YTHDF3: variants seen among roughly 807,000 people sequenced by gnomAD.
The protein encoded by YTHDF3 is YTH N6-methyladenosine RNA binding protein F3.
In YTHDF3, 9 loss-of-function variants were observed where a neutral mutation model predicts 52.5. The observed-to-expected ratio is 0.17, with a 90% CI of 0.10 to 0.30. The LOEUF (loss-of-function observed/expected upper bound fraction) is 0.30. Among genes scored for constraint, YTHDF3 ranks in the 10% least tolerant of loss-of-function variants. The pLI is 1.00. For synonymous variants in YTHDF3, 274 were observed against 243.3 expected (o/e 1.13, Z -1.18); for missense variants, 534 against 715.0 (o/e 0.75, Z 2.89).
At chr8:63,169,571 C>T (rs11785601) in intron 2 of YTHDF3, 160 bp downstream of exon 2, 127,610 of 742,898 alleles carry the variant, frequency 0.17, 12,188 homozygotes, top group South Asian at 0.26. Flanking sequence ...CTATCCAGAA[C>T]TTCGGTAGTT....
intron 2 of YTHDF3, among the ~76,000 whole-genome samples, chr8:63,173,243 C>CT (rs1188215413): frequency 0.013 from 1,497 of 115,832 alleles, 16 homozygotes; most frequent in Middle Eastern, 0.021. Flanking sequence ...GTACTTTTTC[C>CT]TTTTTTTTTT....
At chr8:63,191,887 T>A (rs1808935679) in intron 4 of YTHDF3, among the ~76,000 whole-genome samples, 1 of 152,194 alleles carries the variant, frequency 6.6e-6, no homozygotes, top group Non-Finnish European at 1.5e-5. Flanking sequence ...ATGACCATTG[T>A]GTCTATTCCA....
At chr8:63,209,024 C>T (rs1007533866) in intron 4 of YTHDF3, among the ~76,000 whole-genome samples, 13 of 152,112 alleles carry the variant, frequency 8.5e-5, no homozygotes, top group African/African-American at 3.1e-4. Context: ...CCCGCCACCA[C>T]GCCCAGCTAA....
At chr8:63,201,080 G>C (rs1394688757) in intron 4 of YTHDF3, among the ~76,000 whole-genome samples, 1 of 152,212 alleles carries the variant, frequency 6.6e-6, no homozygotes, top group Non-Finnish European at 1.5e-5. Context: ...GCTAAAGTCT[G>C]ATAGTATTGA....
chr8:63,169,279 T>A, intron 1 of YTHDF3, 108 bp from the exon 2 acceptor site: 1 of 1,446,130 alleles, frequency 6.9e-7, no homozygotes. Flanking sequence ...TTTTTACTCC[T>A]ACGCGGATAG....
intron 4 of YTHDF3, among the ~76,000 whole-genome samples, chr8:63,202,751 C>T (rs1809723079): frequency 1.3e-5 from 2 of 152,100 alleles, no homozygotes. Context: ...GCATGAGCCA[C>T]CGCACCTGGC....
At chr8:63,195,250 G>A (rs1297502398) in intron 4 of YTHDF3, among the ~76,000 whole-genome samples, 3 of 152,184 alleles carry the variant, frequency 2.0e-5, no homozygotes, top group African/African-American at 7.2e-5. Flanking sequence ...GTAAAATCAA[G>A]CTTGATGAAT....
At chr8:63,170,045 T>A (rs1045864651) in intron 2 of YTHDF3, among the ~76,000 whole-genome samples, 4 of 152,216 alleles carry the variant, frequency 2.6e-5, no homozygotes, top group African/African-American at 9.6e-5. Context: ...AAAGTACCAT[T>A]GAAAGTAAAG....
intron 4 of YTHDF3, among the ~76,000 whole-genome samples, chr8:63,202,866 A>C (rs953315303): frequency 6.6e-6 from 1 of 152,126 alleles, no homozygotes; most frequent in Non-Finnish European, 1.5e-5. Context: ...AATCTATTAG[A>C]TGTTTTAATT....
chr8:63,205,037 AAGAC>A (rs1452135049), intron 4 of YTHDF3, among the ~76,000 whole-genome samples: 1 of 152,132 alleles, frequency 6.6e-6, no homozygotes, highest in African/African-American at 2.4e-5. Flanking sequence ...CTCTGTGAAA[AAGAC>A]AGGAGTTGGC....
intron 3 of YTHDF3, among the ~76,000 whole-genome samples, chr8:63,183,707 G>A (rs1203068255): frequency 6.6e-6 from 1 of 152,162 alleles, no homozygotes; most frequent in African/African-American, 2.4e-5. Flanking sequence ...AATGTGTTCA[G>A]TTAGTAAATA....
chr8:63,190,838 C>G (rs2150379753), intron 4 of YTHDF3, among the ~76,000 whole-genome samples: 1 of 152,202 alleles, frequency 6.6e-6, no homozygotes, highest in African/African-American at 2.4e-5. Flanking sequence ...CTCAGTTAAT[C>G]TCCTTTAAAT....
chr8:63,192,778 T>C (rs1412958950), intron 4 of YTHDF3, among the ~76,000 whole-genome samples: 2 of 152,146 alleles, frequency 1.3e-5, no homozygotes, highest in Middle Eastern at 3.4e-3. Flanking sequence ...AAGAACAAAT[T>C]AGTGGTATTT....
At chr8:63,181,036 A>T (rs1426972107) in intron 3 of YTHDF3, among the ~76,000 whole-genome samples, 1 of 152,222 alleles carries the variant, frequency 6.6e-6, no homozygotes, top group Non-Finnish European at 1.5e-5. Context: ...TAATTTTATG[A>T]CTAAATAGAT....
At chr8:63,194,113 A>G (rs967154820) in intron 4 of YTHDF3, among the ~76,000 whole-genome samples, 4 of 152,194 alleles carry the variant, frequency 2.6e-5, no homozygotes, top group East Asian at 1.9e-4. Context: ...CTGAGACAGT[A>G]TAACAGAATA....
chr8:63,180,601 A>T (rs1418394792), intron 3 of YTHDF3, among the ~76,000 whole-genome samples: 1 of 152,174 alleles, frequency 6.6e-6, no homozygotes, highest in South Asian at 2.1e-4. Flanking sequence ...CAATCTCGGC[A>T]CTTTGGGAGG....
At position 63,169,398 on chromosome 8, in the gene YTHDF3, G is replaced by T. The variant is rs1404819448; in HGVS notation, c.36G>T (p.Gly12=). 4 of 1,601,408 alleles carry T rather than the reference G, an allele frequency of 2.5e-6. 1 individual carries two copies. In the South Asian group the frequency reaches 4.5e-5, roughly 18 times the overall value. The change falls in exon 2 of 5, where the codon GGG becomes GGT. Residue 12 remains glycine, a synonymous_variant. Transcript: ENST00000539294. ...SATSVDQRPK[G]QGNKVSVQNG... is the part of the protein sequence containing the mutation. ...GTCTTGCAACACAGAGACCTAAAGG[G>T]CAAGGAAATAAAGGTGAGTTTGGAT...
intron 3 of YTHDF3, among the ~76,000 whole-genome samples, chr8:63,177,739 C>A (rs1052758013): frequency 1.3e-5 from 2 of 151,550 alleles, no homozygotes; most frequent in Non-Finnish European, 1.5e-5. Flanking sequence ...TATAAAAAAT[C>A]CTGACTTGTT....
In YTHDF3 at chr8:63,212,239, A is replaced by G. The variant is rs1810405284; in HGVS notation, c.*2533A>G. The G allele has an allele frequency of 6.6e-6, 1 of 152,644 alleles. No homozygotes were observed. The highest frequency in any genetic ancestry group is 2.4e-5 in the African/African-American group (1 of 41,458). 9.5% of individuals were successfully genotyped at this position (152,644 alleles called of 1,614,324 possible). A position where few individuals can be genotyped will look rare whatever the true frequency, so the allele number is the denominator to read the frequency against. ...ATTATAGTTTGTATATTTAACAGTA[A>G]GGAGGAAACTGTAACCAAAATTAGT... On this transcript the variant is annotated 3_prime_UTR_variant, in exon 5 of 5. Coordinates refer to ENST00000539294, the MANE Select transcript of YTHDF3 (RefSeq NM_152758.6).
Sources: gnomAD v4.1 joint callset for allele counts (sites outside exome capture counted in the v4.1 genomes callset) on GRCh38, gnomAD v4.1.1 for gene constraint, MANE v1.5 for transcripts, NCBI Gene and HGNC (gene_info 2026-07-23, HGNC 2026-07-21) for gene names.